Variants in SLC25A21 observed in about 807,000 individuals in gnomAD.
SLC25A21 encodes the protein solute carrier family 25 member 21.
A neutral mutation model predicts 43.8 loss-of-function variants in SLC25A21; 47 were observed. The observed-to-expected ratio is 1.07, with a 90% confidence interval of 0.85 to 1.37. SLC25A21 has a LOEUF of 1.37. SLC25A21 is among the 40% of genes most tolerant of loss of function. The pLI, the probability that SLC25A21 is intolerant of heterozygous loss-of-function variation, is 0.00. For missense variants in SLC25A21, 352 were observed against 350.2 expected (o/e 1.00, Z -0.04); for synonymous variants, 131 against 121.3 (o/e 1.08, Z -0.52).
chr14:36,932,298 T>A (rs1892315778), intron 1 of SLC25A21, among the ~76,000 whole-genome samples: 1 of 152,134 alleles, frequency 6.6e-6, no homozygotes, highest in Non-Finnish European at 1.5e-5. Flanking sequence ...AATGGCTCCA[T>A]AAGTCAGAGC....
At chr14:36,963,090 T>C (rs769374522) in intron 1 of SLC25A21, among the ~76,000 whole-genome samples, 2 of 152,180 alleles carry the variant, frequency 1.3e-5, no homozygotes, top group South Asian at 2.1e-4. Flanking sequence ...TTTTGAGTCA[T>C]TAAAGAGGTT....
intron 1 of SLC25A21, among the ~76,000 whole-genome samples, chr14:37,019,951 C>G (rs1960948715): frequency 6.6e-6 from 1 of 152,016 alleles, no homozygotes; most frequent in South Asian, 2.1e-4. Context: ...GTAGTTCTAT[C>G]TCTCCTCACT....
intron 1 of SLC25A21, among the ~76,000 whole-genome samples, chr14:36,903,039 T>A (rs1891437000): frequency 6.6e-6 from 1 of 152,094 alleles, no homozygotes; most frequent in East Asian, 1.9e-4. Context: ...TCTTTGTAAA[T>A]GGGAATAAAA....
chr14:36,775,496 A>T (rs1424952198), intron 3 of SLC25A21, among the ~76,000 whole-genome samples: 2 of 152,190 alleles, frequency 1.3e-5, no homozygotes, highest in African/African-American at 4.8e-5. Flanking sequence ...AAAAACACTG[A>T]TTTGAGCATT....
chr14:36,912,703 T>TA (rs1288230207), intron 1 of SLC25A21, among the ~76,000 whole-genome samples: 15 of 152,342 alleles, frequency 9.8e-5, no homozygotes, highest in Admixed American at 9.2e-4. Flanking sequence ...GCCCAAGTGT[T>TA]AGACTTGCCA....
chr14:37,044,540 T>C (rs1218373199), intron 1 of SLC25A21, among the ~76,000 whole-genome samples: 1 of 152,156 alleles, frequency 6.6e-6, no homozygotes, highest in East Asian at 1.9e-4. Context: ...TTAGGAATAA[T>C]ATCAATATTG....
chr14:36,975,390 G>A (rs755806064), intron 1 of SLC25A21, among the ~76,000 whole-genome samples: 12 of 152,092 alleles, frequency 7.9e-5, no homozygotes, highest in Non-Finnish European at 1.8e-4. Context: ...AATAATAATT[G>A]TAAAAAGTCA....
At chr14:36,946,113 TA>T (rs1892674376) in intron 1 of SLC25A21, among the ~76,000 whole-genome samples, 1 of 152,182 alleles carries the variant, frequency 6.6e-6, no homozygotes, top group African/African-American at 2.4e-5. Context: ...TTTAGATTTA[TA>T]GCAAGAAGCA....
At chr14:36,693,735 G>A (rs1270649992) in intron 7 of SLC25A21, among the ~76,000 whole-genome samples, 1 of 152,050 alleles carries the variant, frequency 6.6e-6, no homozygotes, top group Non-Finnish European at 1.5e-5. Context: ...CTGGGCTCAA[G>A]CGATCCTCCC....
chr14:36,961,218 GT>G (rs11319195), intron 1 of SLC25A21, among the ~76,000 whole-genome samples: 31,919 of 147,612 alleles, frequency 0.22, 3,574 homozygotes, highest in East Asian at 0.37. Context: ...TCGTTTTTTG[GT>G]TTTTTTTTTT....
chr14:36,799,173 C>T (rs928409076), intron 3 of SLC25A21, among the ~76,000 whole-genome samples: 4 of 152,102 alleles, frequency 2.6e-5, no homozygotes, highest in Admixed American at 1.3e-4. Flanking sequence ...CCATCAAAAG[C>T]CATCATGCTC....
intron 1 of SLC25A21, among the ~76,000 whole-genome samples, chr14:36,912,500 G>A (rs1191809214): frequency 1.4e-4 from 21 of 152,118 alleles, no homozygotes; most frequent in Non-Finnish European, 2.6e-4. Flanking sequence ...CAACAATTAC[G>A]GTCCTATAAC....
chr14:36,865,960 T>C (rs1890202435), intron 2 of SLC25A21, among the ~76,000 whole-genome samples: 1 of 152,132 alleles, frequency 6.6e-6, no homozygotes, highest in African/African-American at 2.4e-5. Context: ...GCAAGTTAAG[T>C]CCTGATGGGG....
At chr14:36,734,248 G>T (rs1226974198) in intron 4 of SLC25A21, among the ~76,000 whole-genome samples, 3 of 151,928 alleles carry the variant, frequency 2.0e-5, no homozygotes, top group Non-Finnish European at 4.4e-5. Flanking sequence ...TTGATTACTA[G>T]AATTTTATTC....
chr14:37,041,467 C>A (rs924119181), intron 1 of SLC25A21, among the ~76,000 whole-genome samples: 1 of 151,338 alleles, frequency 6.6e-6, no homozygotes, highest in African/African-American at 2.4e-5. Context: ...CCAGTCTGAG[C>A]AACATATCAA....
chr14:36,836,695 G>A (rs1038201874), intron 2 of SLC25A21, among the ~76,000 whole-genome samples: 1 of 152,178 alleles, frequency 6.6e-6, no homozygotes, highest in Non-Finnish European at 1.5e-5. Flanking sequence ...AAGAAAATGA[G>A]CAGGTGGCAG....
At chr14:37,017,133 T>C (rs1035693250) in intron 1 of SLC25A21, among the ~76,000 whole-genome samples, 1 of 152,112 alleles carries the variant, frequency 6.6e-6, no homozygotes, top group African/African-American at 2.4e-5. Context: ...TTTGGCTAAC[T>C]GTTTAGTGCA....
chr14:37,013,757 G>A (rs1349738635), intron 1 of SLC25A21, among the ~76,000 whole-genome samples: 1 of 151,800 alleles, frequency 6.6e-6, no homozygotes, highest in Non-Finnish European at 1.5e-5. Context: ...CTTTCCTACT[G>A]CCTTCTTTCC....
intron 4 of SLC25A21, among the ~76,000 whole-genome samples, chr14:36,733,691 A>C (rs1484264470): frequency 6.6e-6 from 1 of 152,184 alleles, no homozygotes; most frequent in East Asian, 1.9e-4. Flanking sequence ...TGTTGCTTGG[A>C]AAGTAAGTCT....
Sources: allele counts gnomAD v4.1 joint callset (sites outside exome capture counted in the v4.1 genomes callset), GRCh38; gene constraint gnomAD v4.1.1; transcripts MANE v1.5; gene names NCBI Gene and HGNC (gene_info 2026-07-23, HGNC 2026-07-21).